Variants in SIPA1L2 observed in about 807,000 individuals in gnomAD.
The protein encoded by SIPA1L2 is signal-induced proliferation-associated 1-like protein 2.
In SIPA1L2, 56 loss-of-function variants were observed where a neutral mutation model predicts 163.9. That is an observed-to-expected ratio of 0.34 (90% confidence interval 0.28 to 0.43). The LOEUF (loss-of-function observed/expected upper bound fraction) is 0.43, where lower values mean the gene tolerates loss of function less well. SIPA1L2 is among the 20% of genes least tolerant of loss of function. SIPA1L2 has a pLI of 1.00. For missense variants in SIPA1L2, 1,974 were observed against 2,193.5 expected (o/e 0.90, Z 2.00); for synonymous variants, 877 against 865.7 (o/e 1.01, Z -0.23).
chr1:232,403,314 C>G, intron 21 of SIPA1L2, 134 bp downstream of exon 21: 2 of 1,192,414 alleles, frequency 1.7e-6, no homozygotes, highest in Non-Finnish European at 2.3e-6. Flanking sequence ...AGTCCCTTCT[C>G]TGGATTCTTC....
intron 6 of SIPA1L2, among the ~76,000 whole-genome samples, chr1:232,480,064 G>A (rs1397437553): frequency 1.3e-5 from 2 of 152,114 alleles, no homozygotes; most frequent in South Asian, 2.1e-4. Context: ...GTGAGCAGTG[G>A]AGAAGAGAAG....
chr1:232,476,836 T>C (rs927691202), intron 7 of SIPA1L2, among the ~76,000 whole-genome samples: 8 of 152,194 alleles, frequency 5.3e-5, no homozygotes. Flanking sequence ...AAATTAGATC[T>C]GATGTGGACG....
intron 7 of SIPA1L2, among the ~76,000 whole-genome samples, chr1:232,471,792 T>C (rs1022439360): frequency 6.6e-6 from 1 of 152,222 alleles, no homozygotes; most frequent in Non-Finnish European, 1.5e-5. Flanking sequence ...CTTTATCCAG[T>C]TCCTCTTTTT....
chr1:232,460,820 C>G, intron 10 of SIPA1L2, 67 bp downstream of exon 10: 1 of 1,557,500 alleles, frequency 6.4e-7, no homozygotes, highest in South Asian at 1.2e-5. Flanking sequence ...TGCAGGAGCA[C>G]TGAGGACAGC....
intron 10 of SIPA1L2, 69 bp from the exon 11 acceptor site, chr1:232,445,855 G>T: frequency 6.4e-7 from 1 of 1,555,016 alleles, no homozygotes; most frequent in Non-Finnish European, 8.7e-7. Context: ...CTTACTCACA[G>T]CTGGGCCCCT....
At chr1:232,600,657 G>A (rs1387596833) in intron 1 of SIPA1L2, among the ~76,000 whole-genome samples, 1 of 152,120 alleles carries the variant, frequency 6.6e-6, no homozygotes, top group Admixed American at 6.5e-5. Context: ...GACATAATGT[G>A]GTTTACTGTG....
At chr1:232,450,011 C>G (rs1415657599) in intron 10 of SIPA1L2, among the ~76,000 whole-genome samples, 1 of 152,154 alleles carries the variant, frequency 6.6e-6, no homozygotes, top group African/African-American at 2.4e-5. Flanking sequence ...GCTTGGGAAA[C>G]CAAATTCATG....
At chr1:232,402,355 G>A in intron 22 of SIPA1L2, 37 bp downstream of exon 22, 1 of 1,585,242 alleles carries the variant, frequency 6.3e-7, no homozygotes. Flanking sequence ...GATTTTATAA[G>A]AGAAACAGTT....
intron 3 of SIPA1L2, among the ~76,000 whole-genome samples, chr1:232,502,911 C>T (rs775349020): frequency 3.9e-5 from 6 of 152,234 alleles, no homozygotes; most frequent in African/African-American, 1.4e-4. Flanking sequence ...CCTCCCATAA[C>T]CACCAGGAGG....
At position 232,431,743 on chromosome 1, in the gene SIPA1L2, T is replaced by C. The variant is rs16857069; in HGVS notation, c.4256+504A>G. On this transcript the variant is annotated intron_variant, in intron 16 of 22. Transcript: ENST00000674635. ...TTGTAAGATGGGTTATCAGTATTTT[T>C]AAATCTTTTTCTTTTTCAAACAGAT... Among the ~76,000 whole-genome samples, 5,526 of 152,336 alleles carry C rather than the reference T, an allele frequency of 0.036. 639 individuals are homozygous for C. The East Asian group carries it at 0.43, about 12-fold the overall frequency.
chr1:232,498,846 G>C (rs1446351127), intron 3 of SIPA1L2, among the ~76,000 whole-genome samples: 1 of 152,212 alleles, frequency 6.6e-6, no homozygotes, highest in Non-Finnish European at 1.5e-5. Context: ...CAACTGCAAA[G>C]TCTCTTTTGC....
At chr1:232,464,519 G>A (rs955120148) in intron 9 of SIPA1L2, among the ~76,000 whole-genome samples, 8 of 152,186 alleles carry the variant, frequency 5.3e-5, no homozygotes, top group African/African-American at 1.9e-4. Flanking sequence ...GGTATGTTAT[G>A]TCAGCCTCCA....
At chr1:232,449,159 C>T (rs4233061) in intron 10 of SIPA1L2, among the ~76,000 whole-genome samples, 47,321 of 151,896 alleles carry the variant, frequency 0.31, 8,148 homozygotes, top group East Asian at 0.56. Context: ...AAATTAAACA[C>T]TAAAAAATCC....
intron 6 of SIPA1L2, among the ~76,000 whole-genome samples, chr1:232,482,455 AG>A (rs2102975443): frequency 1.3e-5 from 2 of 150,430 alleles, no homozygotes; most frequent in South Asian, 4.2e-4. Context: ...AAAAAAAAAA[AG>A]AAAATCAGAA....
intron 1 of SIPA1L2, among the ~76,000 whole-genome samples, chr1:232,586,091 T>A (rs11810061): frequency 1.3e-5 from 2 of 152,062 alleles, no homozygotes; most frequent in African/African-American, 2.4e-5. Context: ...GAAAAATCCC[T>A]CATGAAAGCA....
At chr1:232,513,619 C>A (rs1667077684) in intron 3 of SIPA1L2, among the ~76,000 whole-genome samples, 1 of 152,010 alleles carries the variant, frequency 6.6e-6, no homozygotes, top group South Asian at 2.1e-4. Flanking sequence ...AAAGAGAAAC[C>A]AAAAGGGCAT....
In SIPA1L2 at chr1:232,443,597, A is replaced by G. The variant is rs923812003; in HGVS notation, c.3437+5T>C. The G allele has an allele frequency of 3.8e-6, 6 of 1,574,196 alleles. No homozygotes were observed. Among genetic ancestry groups the G allele is most frequent in the Non-Finnish European group, 5.2e-6 (6 of 1,160,054 alleles). ...GTGGATAACTAAGATAAAAATGAAC[A>G]GTACCCGTCGTAGCCCACTTGTGGT... On this transcript the variant is annotated splice_donor_5th_base_variant and intron_variant, in intron 12 of 22. Coordinates refer to ENST00000674635, the MANE Select transcript of SIPA1L2 (RefSeq NM_020808.5).
At chr1:232,521,069 T>C (rs1667439515) in intron 2 of SIPA1L2, among the ~76,000 whole-genome samples, 1 of 152,182 alleles carries the variant, frequency 6.6e-6, no homozygotes, top group Admixed American at 6.5e-5. Context: ...GATCTGAACA[T>C]GAAAATAAGT....
chr1:232,448,828 C>T (rs954475061), intron 10 of SIPA1L2, among the ~76,000 whole-genome samples: 4 of 152,164 alleles, frequency 2.6e-5, no homozygotes, highest in Non-Finnish European at 4.4e-5. Flanking sequence ...CACACAGCGC[C>T]TGGCCTAGTC....
Sources: gnomAD v4.1 joint callset for allele counts (sites outside exome capture counted in the v4.1 genomes callset) on GRCh38, gnomAD v4.1.1 for gene constraint, MANE v1.5 for transcripts, NCBI Gene and HGNC (gene_info 2026-07-23, HGNC 2026-07-21) for gene names.